TMEM37: variants seen among roughly 807,000 people sequenced by gnomAD.
TMEM37 encodes voltage-dependent calcium channel gamma-like subunit.
TMEM37 carries 12 observed loss-of-function variants against 11.0 expected under a neutral mutation model. The observed-to-expected ratio is 1.09, with a 90% confidence interval of 0.70 to 1.76. The LOEUF (loss-of-function observed/expected upper bound fraction) is 1.76. Among genes scored for constraint, TMEM37 ranks in the 40% most tolerant of loss-of-function variants. The pLI, the probability that TMEM37 is intolerant of heterozygous loss-of-function variation, is 0.00. For synonymous variants in TMEM37, 127 were observed against 110.5 expected (o/e 1.15, Z -0.94); for missense variants, 203 against 251.2 (o/e 0.81, Z 1.30).
chr2:119,429,928 T>C (rs1027361646), upstream of TMEM37: 2 of 1,550,412 alleles, frequency 1.3e-6, no homozygotes, highest in African/African-American at 2.7e-5. Context: ...TGGGTGCAGA[T>C]GACCCGACCT....
chr2:119,433,651 G>A (rs183569235), intron 1 of TMEM37, among the ~76,000 whole-genome samples: 1 of 152,240 alleles, frequency 6.6e-6, no homozygotes, highest in African/African-American at 2.4e-5. Flanking sequence ...AATCATGCAA[G>A]GTTACAGATG....
chr2:119,436,848 A>C (rs376852069), intron 1 of TMEM37, 41 bp from the exon 2 acceptor site: 4 of 1,536,746 alleles, frequency 2.6e-6, no homozygotes, highest in Non-Finnish European at 3.6e-6. Context: ...GGGGCGTGGC[A>C]GGGCTGTGGC....
intron 1 of TMEM37, 70 bp downstream of exon 1, chr2:119,431,994 G>C: frequency 9.9e-7 from 1 of 1,012,970 alleles, no homozygotes; most frequent in Non-Finnish European, 1.3e-6. Flanking sequence ...GTGGGAGGAC[G>C]GAGGGAGGGG....
chr2:119,432,724 G>A (rs774109630), intron 1 of TMEM37, among the ~76,000 whole-genome samples: 3 of 152,304 alleles, frequency 2.0e-5, no homozygotes, highest in Admixed American at 1.3e-4. Flanking sequence ...TTGACTTCGT[G>A]TACAAACGCT....
chr2:119,437,264 G>A lies in TMEM37; in HGVS notation c.397G>A (p.Val133Met). 6.2e-7 allele frequency: 1 copy of A among 1,614,226 alleles called. No individual in the cohort carries two copies. Among genetic ancestry groups the A allele is most frequent in the Non-Finnish European group, 8.5e-7 (1 of 1,180,046 alleles). ...KWVMGSILLL[V>M]SFVLSSGGLL... ...GGTCATGGGTTCCATCCTCCTCCTG[G>A]TGTCTTTCGTCCTCTCCTCCGGCGG... The change falls in exon 2 of 2, where the codon GTG becomes ATG. Residue 133 changes from valine (V) to methionine (M), a missense_variant. Val to Met is a conservative substitution (Grantham distance 21). Transcript: ENST00000306406.
intron 1 of TMEM37, among the ~76,000 whole-genome samples, chr2:119,434,862 T>G (rs939735046): frequency 6.6e-6 from 1 of 152,130 alleles, no homozygotes; most frequent in Admixed American, 6.5e-5. Flanking sequence ...GTGCGGTCCC[T>G]CCCATCCAGG....
At chr2:119,434,356 G>C (rs1348284396) in intron 1 of TMEM37, among the ~76,000 whole-genome samples, 4 of 152,152 alleles carry the variant, frequency 2.6e-5, no homozygotes, top group African/African-American at 7.2e-5. Context: ...GGAAACAAGG[G>C]CTCAGGAAGT....
In TMEM37 at chr2:119,438,465, C is replaced by T. The variant is rs894516362; in HGVS notation, c.*1025C>T. On this transcript the variant is annotated 3_prime_UTR_variant, in exon 2 of 2. Transcript: ENST00000306406. ...GTGGAGATTTCCATCCTTGCCAGCACGTCTGTACTTCTGTTCATTAAAGTG... is the reference window on the plus strand; with the variant it reads ...GTGGAGATTTCCATCCTTGCCAGCATGTCTGTACTTCTGTTCATTAAAGTG... 2.0e-5 allele frequency: 3 copies of T among 152,352 alleles called. No homozygotes were observed. The highest frequency in any genetic ancestry group is 3.9e-4 in the East Asian group (2 of 5,184). The allele number at this position is 152,352 out of a possible 1,614,324, so 9.4% of individuals were successfully genotyped here. A position where few individuals can be genotyped will look rare whatever the true frequency, so the allele number is the denominator to read the frequency against.
In TMEM37 at chr2:119,437,527, G is replaced by A; in HGVS notation, c.*87G>A. On this transcript the variant is annotated 3_prime_UTR_variant, in exon 2 of 2. Coordinates refer to ENST00000306406, the MANE Select transcript of TMEM37 (RefSeq NM_183240.3). ...GGGACTTTTCCAGCATGTGGCCTCTGGTGGGGCTGGGTTGGACAAGGGCCT... is the reference window on the plus strand; with the variant it reads ...GGGACTTTTCCAGCATGTGGCCTCTAGTGGGGCTGGGTTGGACAAGGGCCT... 1 of 1,498,570 alleles carries A rather than the reference G, an allele frequency of 6.7e-7. No homozygotes were observed. Among genetic ancestry groups the A allele is most frequent in the Non-Finnish European group, 8.9e-7 (1 of 1,118,048 alleles). The allele number at this position is 1,498,570 out of a possible 1,614,324, so 92.8% of individuals were successfully genotyped here.
intron 1 of TMEM37, among the ~76,000 whole-genome samples, chr2:119,432,417 G>A (rs1435875544): frequency 6.6e-6 from 1 of 151,998 alleles, no homozygotes; most frequent in Non-Finnish European, 1.5e-5. Context: ...CCCCAAAGCT[G>A]CGTTTGGGGT....
chr2:119,437,006 G>A lies in TMEM37; in HGVS notation c.139G>A (p.Asp47Asn). 5.6e-6 allele frequency: 9 copies of A among 1,614,268 alleles called. No homozygotes were observed. Among genetic ancestry groups the A allele is most frequent in the Non-Finnish European group, 7.6e-6 (9 of 1,180,060 alleles). ...GGTCCTGTCCTCGGTCTCCATTTGTGATGGGCACTGGCTCCTGGCTGAGGA... is the reference window on the plus strand; with the variant it reads ...GGTCCTGTCCTCGGTCTCCATTTGTAATGGGCACTGGCTCCTGGCTGAGGA... Reference protein sequence around the residue: ...AVVLSSVSICDGHWLLAEDRL... With the variant: ...AVVLSSVSICNGHWLLAEDRL... The change falls in exon 2 of 2, where the codon GAT becomes AAT. Residue 47 changes from aspartate (D) to asparagine (N), a missense_variant. Physicochemically the swap from Asp to Asn is conservative, Grantham distance 23 (BLOSUM62 1). Coordinates refer to ENST00000306406, the MANE Select transcript of TMEM37 (RefSeq NM_183240.3).
chr2:119,437,923 ACTT>A lies in TMEM37; in HGVS notation c.*484_*486del. 1 of 24,730 alleles carries A rather than the reference ACTT, an allele frequency of 4.0e-5. No individual in the cohort carries two copies. 1.5% of individuals were successfully genotyped at this position (24,730 alleles called of 1,614,324 possible). ...GCTAAGGGTCCAATCAGTGCCTAGG[ACTT>A]TCTTCCACCAGCTCAAAGGGCCTTC... is the stretch of plus-strand genomic sequence containing the variant. On this transcript the variant is annotated 3_prime_UTR_variant, in exon 2 of 2. Coordinates refer to ENST00000306406, the MANE Select transcript of TMEM37 (RefSeq NM_183240.3).
At position 119,431,855 on chromosome 2, in the gene TMEM37, G is replaced by A; in HGVS notation, c.-49G>A. The A allele has an allele frequency of 8.1e-7, 1 of 1,233,368 alleles. No homozygotes were observed. Among genetic ancestry groups the A allele is most frequent in the Non-Finnish European group, 1.0e-6 (1 of 989,320 alleles). 76.4% of individuals were successfully genotyped at this position (1,233,368 alleles called of 1,614,324 possible). ...TCCCGGGCTGGCGCCGGCGGCCACA[G>A]CGGAGCAGCTGGAGCGATCGAGGCT... On this transcript the variant is annotated 5_prime_UTR_variant, in exon 1 of 2. Coordinates refer to ENST00000306406, the MANE Select transcript of TMEM37 (RefSeq NM_183240.3).
intron 1 of TMEM37, among the ~76,000 whole-genome samples, chr2:119,434,184 G>A (rs1273234575): frequency 6.6e-6 from 1 of 152,196 alleles, no homozygotes; most frequent in Non-Finnish European, 1.5e-5. Context: ...CCAGCATGCT[G>A]TCTCGGGTTA....
chr2:119,431,978 T>C, intron 1 of TMEM37, 54 bp downstream of exon 1: 1 of 1,149,200 alleles, frequency 8.7e-7, no homozygotes, highest in Non-Finnish European at 1.1e-6. Context: ...CCGTGGGAGG[T>C]TGGGGGTGGG....
intron 1 of TMEM37, among the ~76,000 whole-genome samples, chr2:119,434,352 A>G (rs1015184496): frequency 6.6e-6 from 1 of 152,192 alleles, no homozygotes. Flanking sequence ...ATGAGGAAAC[A>G]AGGGCTCAGG....
At chr2:119,431,783 C>CA, upstream of TMEM37, 14 of 812,204 alleles carry the variant, frequency 1.7e-5, no homozygotes, top group Non-Finnish European at 2.1e-5. Context: ...TGAACGCCCC[C>CA]TCCCGCCCCG....
chr2:119,430,066 G>A (rs1682362524), upstream of TMEM37: 3 of 1,170,892 alleles, frequency 2.6e-6, no homozygotes, highest in South Asian at 1.4e-5. Flanking sequence ...CCCCGCAACA[G>A]GACAGGTCTT....
At position 119,436,926 on chromosome 2, in the gene TMEM37, CCTT is replaced by C. The variant is rs1682508456; in HGVS notation, c.63_65del (p.Phe22del). 1.2e-6 allele frequency: 2 copies of C among 1,614,090 alleles called. No individual in the cohort carries two copies. Among genetic ancestry groups the C allele is most frequent in the Non-Finnish European group, 8.5e-7 (1 of 1,180,042 alleles). On this transcript the variant is annotated inframe_deletion, in exon 2 of 2. Transcript: ENST00000306406. ...TTGGGCCAAAGGCAGCCCCGCCGGTCCTTCTTTGAATCCTTCATCCGGACCCTC... is the reference window on the plus strand; with the variant it reads ...TTGGGCCAAAGGCAGCCCCGCCGGTCCTTTGAATCCTTCATCCGGACCCTC...
Sources: gnomAD v4.1 joint callset for allele counts (sites outside exome capture counted in the v4.1 genomes callset) on GRCh38, gnomAD v4.1.1 for gene constraint, MANE v1.5 for transcripts, NCBI Gene and HGNC (gene_info 2026-07-23, HGNC 2026-07-21) for gene names.